Variants in FLVCR2 observed in about 807,000 individuals in gnomAD.
The protein encoded by FLVCR2 is FLVCR choline and putative heme transporter 2.
A neutral mutation model predicts 48.9 loss-of-function variants in FLVCR2; 38 were observed. The ratio of observed to expected loss-of-function variants is 0.78; its 90% CI spans 0.60 to 1.02. The LOEUF is 1.02. Among genes scored for constraint, FLVCR2 ranks in the 50% least tolerant of loss-of-function variants. FLVCR2 has a pLI of 0.00. For missense variants in FLVCR2, 664 were observed against 663.3 expected (o/e 1.00, Z -0.01); for synonymous variants, 255 against 257.0 (o/e 0.99, Z 0.07).
chr14:75,593,413 T>C (rs916471217), intron 1 of FLVCR2, among the ~76,000 whole-genome samples: 1 of 152,192 alleles, frequency 6.6e-6, no homozygotes, highest in African/African-American at 2.4e-5. Context: ...CATGCTACAT[T>C]ATAACATGAC....
At chr14:75,624,832 C>T (rs980092809) in intron 3 of FLVCR2, 80 bp downstream of exon 3, 1 of 1,531,016 alleles carries the variant, frequency 6.5e-7, no homozygotes, top group African/African-American at 1.4e-5. Context: ...ATATATTACT[C>T]TTTCTAAATC....
rs1888532906 is a variant in FLVCR2, at chr14:75,579,218, G to A, written c.246G>A (p.Arg82=). 1 of 1,614,238 alleles carries A rather than the reference G, an allele frequency of 6.2e-7. No individual in the cohort carries two copies. The highest frequency in any genetic ancestry group is 8.5e-7 in the Non-Finnish European group (1 of 1,180,046). Reference sequence around the variant, plus strand: ...ACCTCAGCGTGATCAAGGTGAGCAGGCGCCGTTGGGCCGTGGTCCTGGTGT... The same window carrying A: ...ACCTCAGCGTGATCAAGGTGAGCAGACGCCGTTGGGCCGTGGTCCTGGTGT... ...PEDLSVIKVS[R]RRWAVVLVFS... is the part of the protein sequence containing the mutation. The change falls in exon 1 of 10, where the codon AGG becomes AGA. Residue 82 remains arginine (R), a synonymous_variant. Coordinates refer to ENST00000238667, the MANE Select transcript of FLVCR2 (RefSeq NM_017791.3).
intron 3 of FLVCR2, among the ~76,000 whole-genome samples, chr14:75,628,550 T>C (rs949203673): frequency 3.9e-5 from 6 of 152,204 alleles, no homozygotes; most frequent in African/African-American, 1.4e-4. Context: ...CTGAATTATA[T>C]GCATTTAAAG....
intron 9 of FLVCR2, among the ~76,000 whole-genome samples, chr14:75,645,918 A>G (rs1400979564): frequency 3.4e-4 from 4 of 11,796 alleles, no homozygotes; most frequent in African/African-American, 1.2e-3. Context: ...ACTCCATCTC[A>G]AAAAAAAAAA....
intron 5 of FLVCR2, among the ~76,000 whole-genome samples, chr14:75,635,250 T>C (rs1261488040): frequency 6.6e-6 from 1 of 152,130 alleles, no homozygotes; most frequent in Non-Finnish European, 1.5e-5. Flanking sequence ...AGGCCTAGCA[T>C]AGTCCTCTTC....
intron 1 of FLVCR2, among the ~76,000 whole-genome samples, chr14:75,597,661 C>T (rs1889057933): frequency 6.6e-6 from 1 of 152,098 alleles, no homozygotes; most frequent in African/African-American, 2.4e-5. Context: ...TCTCCACTTC[C>T]CAAGTTCAAG....
At chr14:75,596,039 A>G in intron 1 of FLVCR2, 1 of 1,322,068 alleles carries the variant, frequency 7.6e-7, no homozygotes, top group South Asian at 1.2e-5. Context: ...ATGCAAATAC[A>G]AAGATGACAT....
At chr14:75,627,618 C>T (rs1037695051) in intron 3 of FLVCR2, among the ~76,000 whole-genome samples, 1 of 152,218 alleles carries the variant, frequency 6.6e-6, no homozygotes, top group Non-Finnish European at 1.5e-5. Context: ...ACCTACCTAG[C>T]AGGTCCCCGG....
Position 75,647,650 on chromosome 14 carries a change from T to G in FLVCR2, c.*1178T>G, listed in dbSNP as rs576078353. Reference sequence around the variant, plus strand: ...GGATTCCCTTTAAACCAACTCAAGCTGATCTTTCCTATCTAGCCTGCTGTT... The same window carrying G: ...GGATTCCCTTTAAACCAACTCAAGCGGATCTTTCCTATCTAGCCTGCTGTT... On this transcript the variant is annotated 3_prime_UTR_variant, in exon 10 of 10. Transcript: ENST00000238667. The G allele has an allele frequency of 1.3e-5, 2 of 152,812 alleles. No individual in the cohort carries two copies. The highest frequency in any genetic ancestry group is 4.1e-4 in the South Asian group (2 of 4,828). The allele number at this position is 152,812 out of a possible 1,614,324, so 9.5% of individuals were successfully genotyped here.
At chr14:75,597,103 G>T (rs1889041684) in intron 1 of FLVCR2, among the ~76,000 whole-genome samples, 1 of 151,694 alleles carries the variant, frequency 6.6e-6, no homozygotes, top group African/African-American at 2.4e-5. Flanking sequence ...GCAACATAGT[G>T]AGACCCTGTC....
Position 75,641,033 on chromosome 14 carries a change from C to G in FLVCR2, c.1314C>G (p.Ser438=). 3.1e-6 allele frequency: 5 copies of G among 1,613,960 alleles called. No individual in the cohort carries two copies. Among genetic ancestry groups the G allele is most frequent in the Non-Finnish European group, 4.2e-6 (5 of 1,179,822 alleles). ...CGTACCCAGAATCAGAAGGCATCTC[C>G]TCCGGCCTCCTCAACATATCTGCAC... is the stretch of plus-strand genomic sequence containing the variant. ...ELTYPESEGI[S]SGLLNISAQV... is the part of the protein sequence containing the mutation. The change falls in exon 7 of 10, where the codon TCC becomes TCG. Residue 438 remains serine (S), a synonymous_variant. Transcript: ENST00000238667.
chr14:75,631,973 T>C (rs1257605268), intron 3 of FLVCR2: 1 of 410,744 alleles, frequency 2.4e-6, no homozygotes, highest in Non-Finnish European at 4.9e-6. Flanking sequence ...ACTGTGCTGC[T>C]CACTGTGTGC....
At chr14:75,587,688 G>C (rs1888784684) in intron 1 of FLVCR2, among the ~76,000 whole-genome samples, 1 of 152,212 alleles carries the variant, frequency 6.6e-6, no homozygotes, top group Admixed American at 6.5e-5. Context: ...TTGTTTCAAG[G>C]GGAAATGAGC....
At chr14:75,592,442 C>CT (rs1888909432) in intron 1 of FLVCR2, among the ~76,000 whole-genome samples, 2 of 152,142 alleles carry the variant, frequency 1.3e-5, no homozygotes. Context: ...CTTTCAGGGC[C>CT]TTTTTTCCAT....
In FLVCR2 at chr14:75,644,038, G is replaced by GAA. The variant is rs111764331; in HGVS notation, c.1509+2152_1509+2153dup. ...GGGTGACAGAGCAAGACTCCATCTC[G>GAA]AAAAAAAAAAAAAGAGAGAGAGAGA... On this transcript the variant is annotated intron_variant, in intron 9 of 9. Coordinates refer to ENST00000238667, the MANE Select transcript of FLVCR2 (RefSeq NM_017791.3). Among the ~76,000 whole-genome samples, 791 of 140,418 alleles carry GAA rather than the reference G, an allele frequency of 5.6e-3. 6 individuals carry two copies. Among genetic ancestry groups the GAA allele is most frequent in the Non-Finnish European group, 6.6e-3 (432 of 65,480 alleles). 92.1% of individuals were successfully genotyped at this position (140,418 alleles called of 152,430 possible).
intron 1 of FLVCR2, chr14:75,605,576 C>T (rs1430427033): frequency 1.2e-5 from 19 of 1,535,952 alleles, no homozygotes; most frequent in Admixed American, 2.0e-5. Context: ...CCAGCATGAG[C>T]GCAGATAACA....
intron 3 of FLVCR2, among the ~76,000 whole-genome samples, chr14:75,629,701 CT>C: frequency 6.6e-6 from 1 of 152,392 alleles, no homozygotes; most frequent in East Asian, 1.9e-4. Context: ...GGCATAACAA[CT>C]GCCCTGTTGA....
intron 3 of FLVCR2, among the ~76,000 whole-genome samples, chr14:75,630,427 G>A (rs978211272): frequency 1.3e-5 from 2 of 152,174 alleles, no homozygotes; most frequent in African/African-American, 2.4e-5. Context: ...TATTGTTGTA[G>A]TTGCTAAAGA....
intron 2 of FLVCR2, among the ~76,000 whole-genome samples, chr14:75,622,588 T>A (rs1889793599): frequency 1.3e-5 from 2 of 152,184 alleles, no homozygotes; most frequent in Admixed American, 6.5e-5. Flanking sequence ...AACAGCCCTA[T>A]CAGTGAGGCA....
Sources: gnomAD v4.1 joint callset for allele counts (sites outside exome capture counted in the v4.1 genomes callset) on GRCh38, gnomAD v4.1.1 for gene constraint, MANE v1.5 for transcripts, NCBI Gene and HGNC (gene_info 2026-07-23, HGNC 2026-07-21) for gene names.